Variants in L3MBTL3 observed in about 807,000 individuals in gnomAD.
The protein encoded by L3MBTL3 is L3MBTL histone methyl-lysine binding protein 3, also known as lethal(3)malignant brain tumor-like protein 3.
In L3MBTL3, 27 loss-of-function variants were observed where a neutral mutation model predicts 102.3. The ratio of observed to expected loss-of-function variants is 0.26; its 90% CI spans 0.19 to 0.36. L3MBTL3 has a LOEUF of 0.36. Among genes scored for constraint, L3MBTL3 ranks in the 10% least tolerant of loss-of-function variants. The pLI is 1.00. For missense variants in L3MBTL3, 798 were observed against 955.3 expected (o/e 0.84, Z 2.17); for synonymous variants, 340 against 320.9 (o/e 1.06, Z -0.64).
intron 18 of L3MBTL3, among the ~76,000 whole-genome samples, chr6:130,098,119 T>G (rs1350163915): frequency 6.6e-6 from 1 of 152,172 alleles, no homozygotes; most frequent in Non-Finnish European, 1.5e-5. Flanking sequence ...AACTGAATCT[T>G]TTCTTTGTAA....
At chr6:130,053,017 A>G in intron 7 of L3MBTL3, 26 bp downstream of exon 7, 1 of 1,556,134 alleles carries the variant, frequency 6.4e-7, no homozygotes, top group Non-Finnish European at 8.9e-7. Context: ...TGACACCAGG[A>G]GCACAGGGAT....
intron 2 of L3MBTL3, among the ~76,000 whole-genome samples, chr6:130,039,057 A>G (rs1282100416): frequency 6.6e-6 from 1 of 152,028 alleles, no homozygotes; most frequent in Non-Finnish European, 1.5e-5. Context: ...ATGTAAGGAG[A>G]CTGCACTTTT....
At chr6:130,045,556 A>G (rs1780678398) in intron 3 of L3MBTL3, among the ~76,000 whole-genome samples, 1 of 152,180 alleles carries the variant, frequency 6.6e-6, no homozygotes, top group Non-Finnish European at 1.5e-5. Flanking sequence ...TGTTTAGGTC[A>G]GTTACTGGCA....
At chr6:130,030,614 C>G (rs1448787242) in intron 2 of L3MBTL3, among the ~76,000 whole-genome samples, 5 of 143,826 alleles carry the variant, frequency 3.5e-5, no homozygotes, top group African/African-American at 8.0e-5. Context: ...TTGCAGTGAG[C>G]CGAAATCTTG....
intron 20 of L3MBTL3, among the ~76,000 whole-genome samples, chr6:130,122,380 C>G (rs145662529): frequency 2.9e-3 from 443 of 152,290 alleles, no homozygotes; most frequent in African/African-American, 9.9e-3. Flanking sequence ...GCACGGTGTA[C>G]AAAGCCTATA....
At chr6:130,024,150 T>C (rs1779181871) in intron 2 of L3MBTL3, among the ~76,000 whole-genome samples, 1 of 152,036 alleles carries the variant, frequency 6.6e-6, no homozygotes, top group Non-Finnish European at 1.5e-5. Context: ...GATGAGAAAA[T>C]AGGTAACTGG....
intron 13 of L3MBTL3, 22 bp from the exon 14 acceptor site, chr6:130,078,536 T>A: frequency 2.5e-6 from 4 of 1,577,220 alleles, no homozygotes; most frequent in Non-Finnish European, 3.5e-6. Context: ...AATTGCAGTT[T>A]TTTAATTTGT....
Position 130,051,329 on chromosome 6 carries a change from T to C in L3MBTL3, c.370T>C (p.Cys124Arg), listed in dbSNP as rs775735143. The part of the protein sequence containing the change: ...VEGLQFCENC[C>R]QYGNVDECLS... ...AGGGCTTCAGTTCTGTGAGAACTGT[T>C]GTCAGTATGGCAACGTAGATGAGTG... The change falls in exon 6 of 23, where the codon TGT becomes CGT. Residue 124 changes from cysteine to arginine, a missense_variant. Physicochemically the swap from Cys to Arg is radical, Grantham distance 180 (BLOSUM62 -3). Transcript: ENST00000361794. 3.3e-5 allele frequency: 53 copies of C among 1,613,672 alleles called. No individual in the cohort carries two copies. Among genetic ancestry groups the C allele is most frequent in the Non-Finnish European group, 4.5e-5 (53 of 1,179,640 alleles).
intron 5 of L3MBTL3, among the ~76,000 whole-genome samples, chr6:130,050,196 G>T (rs1386005222): frequency 6.6e-6 from 1 of 152,152 alleles, no homozygotes; most frequent in African/African-American, 2.4e-5. Context: ...GGAACTTAAC[G>T]TAGATTGCTT....
intron 14 of L3MBTL3, 37 bp from the exon 15 acceptor site, chr6:130,083,583 G>C: frequency 2.3e-6 from 2 of 878,002 alleles, no homozygotes; most frequent in Non-Finnish European, 1.8e-6. Context: ...CTATCATTTT[G>C]GTTAAACCTC....
At chr6:130,107,137 A>G (rs570537450) in intron 19 of L3MBTL3, among the ~76,000 whole-genome samples, 32 of 152,236 alleles carry the variant, frequency 2.1e-4, no homozygotes, top group African/African-American at 7.7e-4. Context: ...ACCTCTCCCT[A>G]GACACCCTGG....
chr6:130,041,933 G>T (rs1780444620), intron 2 of L3MBTL3, among the ~76,000 whole-genome samples: 1 of 152,016 alleles, frequency 6.6e-6, no homozygotes, highest in South Asian at 2.1e-4. Flanking sequence ...TTCTTTCAGT[G>T]GACAAAACTA....
At chr6:130,124,974 A>T (rs1455332113) in intron 20 of L3MBTL3, among the ~76,000 whole-genome samples, 9 of 152,106 alleles carry the variant, frequency 5.9e-5, no homozygotes, top group Non-Finnish European at 1.2e-4. Context: ...CCATCTCAAA[A>T]AAAAAAAAAT....
chr6:130,029,472 G>A (rs190694942), intron 2 of L3MBTL3, among the ~76,000 whole-genome samples: 81 of 152,270 alleles, frequency 5.3e-4, no homozygotes, highest in Middle Eastern at 3.4e-3. Context: ...GCCTAGTCCT[G>A]AGTAGTTTCT....
chr6:130,057,679 C>T (rs895344662), intron 9 of L3MBTL3, among the ~76,000 whole-genome samples, 182 bp downstream of exon 9: 1 of 152,146 alleles, frequency 6.6e-6, no homozygotes, highest in African/African-American at 2.4e-5. Context: ...ATGTGCCACA[C>T]ATGTGCCATG....
chr6:130,073,673 A>G (rs1562287734), intron 13 of L3MBTL3, among the ~76,000 whole-genome samples: 2 of 152,194 alleles, frequency 1.3e-5, no homozygotes, highest in Admixed American at 6.6e-5. Flanking sequence ...GGGAGAGTCT[A>G]GAAGAATTCG....
Position 130,092,770 on chromosome 6 carries a change from G to C in L3MBTL3, c.1544G>C (p.Cys515Ser). The C allele has an allele frequency of 1.9e-6, 3 of 1,612,694 alleles. No homozygotes were observed. Among genetic ancestry groups the C allele is most frequent in the Non-Finnish European group, 2.5e-6 (3 of 1,178,888 alleles). The change falls in exon 17 of 23, where the codon TGC (cysteine) becomes TCC (serine). Residue 515 changes from cysteine to serine, a missense_variant. By Grantham distance (112) the Cys-to-Ser change is moderately radical (BLOSUM62 -1). Transcript: ENST00000361794. ...GTTCACTTTGATGGCTGGAACAATT[G>C]CTATGATTACTGGATAGATGCAGAT... The part of the protein sequence containing the change: ...VKVHFDGWNN[C>S]YDYWIDADSP...
chr6:130,035,516 C>G (rs1780002732), intron 2 of L3MBTL3, among the ~76,000 whole-genome samples: 1 of 152,174 alleles, frequency 6.6e-6, no homozygotes, highest in African/African-American at 2.4e-5. Flanking sequence ...AGGGAAAGAA[C>G]ATTGTAATAA....
Position 130,049,273 on chromosome 6 carries a change from T to C in L3MBTL3, c.103-9T>C, listed in dbSNP as rs1780932350. 1.3e-6 allele frequency: 2 copies of C among 1,572,810 alleles called. No homozygotes were observed. Among genetic ancestry groups the C allele is most frequent in the Non-Finnish European group, 1.7e-6 (2 of 1,144,480 alleles). On this transcript the variant is annotated splice_polypyrimidine_tract_variant and intron_variant, in intron 3 of 22. Transcript: ENST00000361794. The stretch of plus-strand genomic sequence containing the variant: ...TTTAAATTTTGCCTTTCTGCTGTGT[T>C]GTTGCTAGTTTCGGGTAAATGAGTT...
Sources: allele counts gnomAD v4.1 joint callset (sites outside exome capture counted in the v4.1 genomes callset), GRCh38; gene constraint gnomAD v4.1.1; transcripts MANE v1.5; gene names NCBI Gene and HGNC (gene_info 2026-07-23, HGNC 2026-07-21).